Variants in ANKDD1B observed in about 807,000 individuals in gnomAD.
ANKDD1B encodes ankyrin repeat and death domain containing 1B.
A neutral mutation model predicts 59.7 loss-of-function variants in ANKDD1B; 57 were observed. The observed-to-expected ratio is 0.95, with a 90% CI of 0.77 to 1.19. ANKDD1B has a LOEUF of 1.19. Ranked by LOEUF, ANKDD1B falls within the 50% of genes most tolerant of loss-of-function variation. The pLI is 0.00. For missense variants in ANKDD1B, 602 were observed against 641.9 expected (o/e 0.94, Z 0.67); for synonymous variants, 216 against 239.5 (o/e 0.90, Z 0.91).
At chr5:75,657,514 TC>T (rs1012930767) in intron 9 of ANKDD1B, among the ~76,000 whole-genome samples, 1 of 152,216 alleles carries the variant, frequency 6.6e-6, no homozygotes, top group African/African-American at 2.4e-5. Context: ...TTTCATCTGT[TC>T]CATGTTGGTA....
At chr5:75,655,199 A>T (rs1016584243) in intron 8 of ANKDD1B, among the ~76,000 whole-genome samples, 1 of 152,156 alleles carries the variant, frequency 6.6e-6, no homozygotes, top group African/African-American at 2.4e-5. Flanking sequence ...AGGGCTGGGT[A>T]AGAAGCCAGT....
intron 7 of ANKDD1B, among the ~76,000 whole-genome samples, chr5:75,637,862 C>T (rs73122771): frequency 0.12 from 18,252 of 151,990 alleles, 2,871 homozygotes; most frequent in African/African-American, 0.36. Flanking sequence ...TGGAGTACAG[C>T]GGCATGGGAG....
intron 6 of ANKDD1B, chr5:75,635,500 A>C: frequency 3.5e-6 from 1 of 285,840 alleles, no homozygotes; most frequent in Non-Finnish European, 6.4e-6. Context: ...CAGAGGTCAA[A>C]TGGAATTGCT....
chr5:75,637,426 G>T (rs564972162), intron 7 of ANKDD1B, among the ~76,000 whole-genome samples: 1 of 152,000 alleles, frequency 6.6e-6, no homozygotes, highest in East Asian at 1.9e-4. Context: ...GGTCAGTGGG[G>T]TCCTCTTGGA....
intron 10 of ANKDD1B, among the ~76,000 whole-genome samples, chr5:75,660,365 G>A (rs756234893): frequency 3.3e-5 from 5 of 152,188 alleles, no homozygotes; most frequent in Non-Finnish European, 7.4e-5. Flanking sequence ...TTTTGTGACT[G>A]GCTTAGTTCA....
chr5:75,666,309 ACT>A (rs1188130144), intron 11 of ANKDD1B, among the ~76,000 whole-genome samples: 2 of 151,772 alleles, frequency 1.3e-5, no homozygotes, highest in Non-Finnish European at 2.9e-5. Flanking sequence ...CTCCTAGTTT[ACT>A]CTCCTTATGC....
At chr5:75,657,666 T>C (rs1416793120) in intron 9 of ANKDD1B, among the ~76,000 whole-genome samples, 3 of 152,116 alleles carry the variant, frequency 2.0e-5, no homozygotes, top group Non-Finnish European at 4.4e-5. Context: ...CCCAACACTT[T>C]GGGAGGCTGA....
rs1433061714 is a variant in ANKDD1B at position 75,611,547 on chromosome 5, CCTGGGTCTGGATCTGTGTCCGAGT to C, written c.-72_-49del. ...GTCCAGCCCCCGCGCCCTGGGCCTG[CCTGGGTCTGGATCTGTGTCCGAGT>C]CTGGGTCTGGATCTGGGTCCGAGTC... On this transcript the variant is annotated 5_prime_UTR_variant, in exon 1 of 14. Coordinates refer to ENST00000601380, the MANE Select transcript of ANKDD1B (RefSeq NM_001276713.2). The C allele has an allele frequency of 1.0e-4, 114 of 1,111,814 alleles. 1 individual carries two copies. The highest frequency in any genetic ancestry group is 4.7e-4 in the Admixed American group (11 of 23,522). 68.9% of individuals were successfully genotyped at this position (1,111,814 alleles called of 1,614,324 possible).
chr5:75,632,769 G>A (rs1274734524), intron 5 of ANKDD1B, among the ~76,000 whole-genome samples: 1 of 152,088 alleles, frequency 6.6e-6, no homozygotes, highest in Admixed American at 6.5e-5. Flanking sequence ...CCATATATAA[G>A]CAGCACTCGG....
In ANKDD1B at chr5:75,661,104, A is replaced by C. The variant is rs146767564; in HGVS notation, c.1095+1723A>C. On this transcript the variant is annotated intron_variant, in intron 10 of 13. Coordinates refer to ENST00000601380, the MANE Select transcript of ANKDD1B (RefSeq NM_001276713.2). ...TTTTTTTTTTTCTGATCATAAAAAA[A>C]GTAACACAGACTGGCTGGGCGCGGT... is the stretch of plus-strand genomic sequence containing the variant. Among the ~76,000 whole-genome samples the C allele has an allele frequency of 6.8e-3, 1,026 of 151,762 alleles. 16 individuals carry two copies. Among genetic ancestry groups the C allele is most frequent in the African/African-American group, 0.024 (984 of 41,452 alleles).
At chr5:75,619,883 A>C (rs1458631499) in intron 2 of ANKDD1B, among the ~76,000 whole-genome samples, 1 of 152,236 alleles carries the variant, frequency 6.6e-6, no homozygotes, top group Non-Finnish European at 1.5e-5. Flanking sequence ...CCAAAAACTT[A>C]GAGAAGAACG....
intron 5 of ANKDD1B, among the ~76,000 whole-genome samples, chr5:75,633,579 A>T (rs1217732103): frequency 6.6e-6 from 1 of 152,240 alleles, no homozygotes; most frequent in East Asian, 1.9e-4. Context: ...GCTTTCAGTT[A>T]GTAACACACT....
At chr5:75,627,636 A>C (rs748086481) in intron 5 of ANKDD1B, among the ~76,000 whole-genome samples, 8 of 152,220 alleles carry the variant, frequency 5.3e-5, no homozygotes, top group Non-Finnish European at 8.8e-5. Context: ...AATTTTATCC[A>C]TGCCAAATAG....
intron 7 of ANKDD1B, among the ~76,000 whole-genome samples, chr5:75,640,053 T>C (rs1257613590): frequency 6.6e-6 from 1 of 152,118 alleles, no homozygotes; most frequent in African/African-American, 2.4e-5. Flanking sequence ...TTCTTTTTTT[T>C]TTTGTTTTGA....
intron 8 of ANKDD1B, among the ~76,000 whole-genome samples, chr5:75,655,242 A>G (rs1269704605): frequency 6.6e-6 from 1 of 152,154 alleles, no homozygotes; most frequent in Admixed American, 6.5e-5. Context: ...CGGGGGCTCC[A>G]TGAAGGGCTG....
intron 11 of ANKDD1B, among the ~76,000 whole-genome samples, chr5:75,666,412 C>T (rs2112032819): frequency 6.6e-6 from 1 of 152,190 alleles, no homozygotes; most frequent in South Asian, 2.1e-4. Flanking sequence ...AATATGAGAA[C>T]ATCAAATACC....
chr5:75,651,228 G>A (rs1774821230), intron 7 of ANKDD1B, among the ~76,000 whole-genome samples: 1 of 152,230 alleles, frequency 6.6e-6, no homozygotes, highest in African/African-American at 2.4e-5. Context: ...TATTGCAGAG[G>A]AGCCTGTGGG....
intron 7 of ANKDD1B, among the ~76,000 whole-genome samples, chr5:75,649,987 A>AT (rs1328509698): frequency 6.6e-6 from 1 of 152,144 alleles, no homozygotes; most frequent in African/African-American, 2.4e-5. Flanking sequence ...TGCTCAATAT[A>AT]TTTTTTGTGG....
chr5:75,636,274 G>T (rs34340), intron 7 of ANKDD1B, among the ~76,000 whole-genome samples: 99,827 of 152,008 alleles, frequency 0.66, 34,180 homozygotes, highest in Middle Eastern at 0.78. Flanking sequence ...CACAGAAGAG[G>T]TGATATATTA....
Sources: gnomAD v4.1 joint callset for allele counts (sites outside exome capture counted in the v4.1 genomes callset) on GRCh38, gnomAD v4.1.1 for gene constraint, MANE v1.5 for transcripts, NCBI Gene and HGNC (gene_info 2026-07-23, HGNC 2026-07-21) for gene names.